The following MAGI1 variants were observed in gnomAD, a reference collection of about 807,000 sequenced individuals.
The protein encoded by MAGI1 is membrane-associated guanylate kinase, WW and PDZ domain-containing protein 1.
In MAGI1, 58 loss-of-function variants were observed where a neutral mutation model predicts 139.9. The ratio of observed to expected loss-of-function variants is 0.41; its 90% CI spans 0.34 to 0.52. The LOEUF is 0.52. Among genes scored for constraint, MAGI1 ranks in the 20% least tolerant of loss-of-function variants. The pLI is 0.12. For missense variants in MAGI1, 1,874 were observed against 1,901.6 expected, an observed-to-expected ratio of 0.99 and a Z score of 0.27; for synonymous variants, 812 against 737.9, an observed-to-expected ratio of 1.10 and a Z score of -1.63.
intron 1 of MAGI1, among the ~76,000 whole-genome samples, chr3:65,962,357 G>A (rs1394394215): frequency 1.3e-5 from 2 of 151,576 alleles, no homozygotes; most frequent in Non-Finnish European, 1.5e-5. Flanking sequence ...TCCTGATCTC[G>A]TGATCCACCC....
At chr3:65,491,543 C>G (rs1220320408) in intron 3 of MAGI1, among the ~76,000 whole-genome samples, 3 of 152,098 alleles carry the variant, frequency 2.0e-5, no homozygotes, top group Non-Finnish European at 4.4e-5. Flanking sequence ...ACTGAAGCCC[C>G]CCAGATGGGC....
At chr3:65,963,582 C>T (rs1008316606) in intron 1 of MAGI1, among the ~76,000 whole-genome samples, 6 of 152,152 alleles carry the variant, frequency 3.9e-5, no homozygotes, top group South Asian at 2.1e-4. Context: ...CGCCACTGTA[C>T]TCCAGCCTAG....
chr3:65,842,460 A>C (rs1221574275), intron 1 of MAGI1, among the ~76,000 whole-genome samples: 3 of 151,924 alleles, frequency 2.0e-5, no homozygotes, highest in African/African-American at 7.3e-5. Context: ...TCCCAGGTTC[A>C]AGCGACTCTG....
chr3:65,505,637 A>AAATAATAAT (rs142787163), intron 2 of MAGI1, among the ~76,000 whole-genome samples: 16,352 of 144,238 alleles, frequency 0.11, 1,483 homozygotes, highest in East Asian at 0.55. Context: ...ACAAAGTCTA[A>AAATAATAAT]AATAATAATA....
At chr3:65,411,452 C>A (rs917430874) in intron 12 of MAGI1, among the ~76,000 whole-genome samples, 1 of 152,090 alleles carries the variant, frequency 6.6e-6, no homozygotes, top group African/African-American at 2.4e-5. Flanking sequence ...CCATGCAGTT[C>A]CTACAAATTT....
At chr3:65,939,227 A>T (rs9872435) in intron 1 of MAGI1, among the ~76,000 whole-genome samples, 6,371 of 151,868 alleles carry the variant, frequency 0.042, 431 homozygotes, top group African/African-American at 0.14. Context: ...TCCCTTTTTT[A>T]AAAAAAATGC....
intron 1 of MAGI1, among the ~76,000 whole-genome samples, chr3:65,789,010 T>G (rs1467847514): frequency 1.3e-5 from 2 of 151,954 alleles, no homozygotes; most frequent in Non-Finnish European, 2.9e-5. Context: ...AGACCCCATC[T>G]CTACAAAAAA....
At chr3:65,400,085 G>A (rs1396816439) in intron 13 of MAGI1, among the ~76,000 whole-genome samples, 1 of 152,142 alleles carries the variant, frequency 6.6e-6, no homozygotes, top group Non-Finnish European at 1.5e-5. Context: ...CCATTTCTCT[G>A]AAGGCGGATG....
At chr3:65,798,239 G>A (rs1392303235) in intron 1 of MAGI1, among the ~76,000 whole-genome samples, 2 of 151,044 alleles carry the variant, frequency 1.3e-5, no homozygotes, top group Non-Finnish European at 3.0e-5. Flanking sequence ...GGGAGACGGA[G>A]CTTGCCGTGA....
intron 2 of MAGI1, among the ~76,000 whole-genome samples, chr3:65,615,907 A>G (rs1448326857): frequency 6.6e-6 from 1 of 152,232 alleles, no homozygotes; most frequent in East Asian, 1.9e-4. Flanking sequence ...TTGACACAGT[A>G]ACGCCCTTGA....
intron 1 of MAGI1, among the ~76,000 whole-genome samples, chr3:65,723,256 G>A (rs1337178844): frequency 6.6e-6 from 1 of 152,164 alleles, no homozygotes; most frequent in Non-Finnish European, 1.5e-5. Context: ...GGAAGTGTGT[G>A]TGTTTATAAG....
intron 1 of MAGI1, among the ~76,000 whole-genome samples, chr3:65,823,492 A>G: frequency 6.6e-6 from 1 of 152,238 alleles, no homozygotes; most frequent in Non-Finnish European, 1.5e-5. Flanking sequence ...TCCAAGGCTC[A>G]TGGGAGCAAT....
At chr3:65,431,293 G>C (rs1048246574) in intron 10 of MAGI1, among the ~76,000 whole-genome samples, 1 of 151,858 alleles carries the variant, frequency 6.6e-6, no homozygotes, top group African/African-American at 2.4e-5. Flanking sequence ...GTGCTGCTTT[G>C]GGCCTGGCTT....
intron 1 of MAGI1, among the ~76,000 whole-genome samples, chr3:65,644,805 T>C (rs1489612563): frequency 6.6e-6 from 1 of 152,036 alleles, no homozygotes; most frequent in Non-Finnish European, 1.5e-5. Context: ...AAGACCAGCC[T>C]GGCCAACTTG....
In MAGI1 at chr3:65,379,208, A is replaced by G. The variant is rs753523193; in HGVS notation, c.2995+53T>C. 102 of 1,606,102 alleles carry G rather than the reference A, an allele frequency of 6.4e-5. No individual in the cohort carries two copies. In the East Asian group the frequency reaches 2.2e-3, roughly 35 times the overall value. ...GTCAGCTTTCACTCGCAAGAGAACAAAAACTCCCAGGCATGGTGGGAAACC... is the reference window on the plus strand; with the variant it reads ...GTCAGCTTTCACTCGCAAGAGAACAGAAACTCCCAGGCATGGTGGGAAACC... On this transcript the variant is annotated intron_variant, in intron 17 of 22. Coordinates refer to ENST00000402939, the MANE Select transcript of MAGI1 (RefSeq NM_001033057.2).
intron 2 of MAGI1, among the ~76,000 whole-genome samples, chr3:65,547,054 C>G: frequency 6.6e-6 from 1 of 152,142 alleles, no homozygotes; most frequent in East Asian, 1.9e-4. Flanking sequence ...AATGCTGAAC[C>G]ACTGTTACAT....
chr3:65,935,108 G>T (rs2062985923), intron 1 of MAGI1, among the ~76,000 whole-genome samples: 1 of 152,142 alleles, frequency 6.6e-6, no homozygotes, highest in Non-Finnish European at 1.5e-5. Flanking sequence ...TGTTTGGAAA[G>T]GAAGAATATC....
chr3:65,383,497 AAT>A, intron 15 of MAGI1, 33 bp downstream of exon 15: 1 of 1,533,868 alleles, frequency 6.5e-7, no homozygotes, highest in Non-Finnish European at 9.0e-7. Flanking sequence ...GCCTTAGAAA[AAT>A]ATGCTGGGAA....
intron 1 of MAGI1, among the ~76,000 whole-genome samples, chr3:65,979,088 T>TCCCCCC (rs200894076): frequency 1.1e-3 from 59 of 52,968 alleles, no homozygotes; most frequent in East Asian, 2.7e-3. Context: ...TTTCTTTTCT[T>TCCCCCC]CCCCCCCCCC....
Sources: gnomAD v4.1 joint callset for allele counts (sites outside exome capture counted in the v4.1 genomes callset) on GRCh38, gnomAD v4.1.1 for gene constraint, MANE v1.5 for transcripts, NCBI Gene and HGNC (gene_info 2026-07-23, HGNC 2026-07-21) for gene names.